The following PTPRT variants were observed in gnomAD, a reference collection of about 807,000 sequenced individuals.
PTPRT encodes protein tyrosine phosphatase receptor type T.
PTPRT carries 56 observed loss-of-function variants against 176.8 expected under a neutral mutation model. The ratio of observed to expected loss-of-function variants is 0.32; its 90% CI spans 0.26 to 0.40. The LOEUF is 0.40. Ranked by LOEUF, PTPRT falls within the 10% of genes least tolerant of loss-of-function variation. The pLI, the probability that PTPRT is intolerant of heterozygous loss-of-function variation, is 1.00. For missense variants in PTPRT, 1,540 were observed against 1,908.2 expected (o/e 0.81, Z 3.60); for synonymous variants, 783 against 739.0 (o/e 1.06, Z -0.96).
chr20:42,529,686 C>T (rs1362245051), intron 7 of PTPRT, among the ~76,000 whole-genome samples: 1 of 151,712 alleles, frequency 6.6e-6, no homozygotes, highest in Non-Finnish European at 1.5e-5. Flanking sequence ...TGAGGTTTTT[C>T]CAGTTGGCCA....
chr20:42,598,819 C>T (rs1056305834), intron 7 of PTPRT, among the ~76,000 whole-genome samples: 1 of 152,138 alleles, frequency 6.6e-6, no homozygotes, highest in Non-Finnish European at 1.5e-5. Context: ...ATTGTGGCTG[C>T]CTCGCCCATC....
intron 7 of PTPRT, among the ~76,000 whole-genome samples, chr20:42,653,298 C>A (rs2075066094): frequency 6.6e-6 from 1 of 152,152 alleles, no homozygotes; most frequent in South Asian, 2.1e-4. Flanking sequence ...CCTCCTAAGT[C>A]CTGCAAAACT....
At chr20:42,430,420 G>A (rs1465174686) in intron 9 of PTPRT, among the ~76,000 whole-genome samples, 1 of 152,168 alleles carries the variant, frequency 6.6e-6, no homozygotes, top group Non-Finnish European at 1.5e-5. Context: ...GAAGACCTGG[G>A]GTGGGGACAG....
In PTPRT at chr20:42,650,595, G is replaced by A. The variant is rs1286947688; in HGVS notation, c.1153+27271C>T. ...AGTTACAGGCAGACACAGTCACAGA[G>A]GCCAGGGTTGTTGAAAGACTCAGCA... On this transcript the variant is annotated intron_variant, in intron 7 of 30. Coordinates refer to ENST00000373187, the MANE Select transcript of PTPRT (RefSeq NM_007050.6). Among the ~76,000 whole-genome samples, 5 of 152,096 alleles carry A rather than the reference G, an allele frequency of 3.3e-5. No individual in the cohort carries two copies. In the East Asian group the frequency reaches 9.6e-4, roughly 29 times the overall value.
At chr20:43,107,067 G>C (rs558300258) in intron 1 of PTPRT, among the ~76,000 whole-genome samples, 60 of 152,122 alleles carry the variant, frequency 3.9e-4, no homozygotes, top group Non-Finnish European at 7.9e-4. Flanking sequence ...TGGGATTACA[G>C]GTGTGAGCCA....
In PTPRT at chr20:42,345,366, T is replaced by C. The variant is rs560896223; in HGVS notation, c.1865+5262A>G. Among the ~76,000 whole-genome samples the C allele has an allele frequency of 4.3e-3, 572 of 134,106 alleles. 6 individuals are homozygous for C. Among genetic ancestry groups the C allele is most frequent in the African/African-American group, 0.011 (389 of 35,182 alleles). 88.0% of individuals were successfully genotyped at this position (134,106 alleles called of 152,430 possible). ...AATAAGAGGTAGCTGAAGGCATATA[T>C]ACACACACACACACACACACACACA... On this transcript the variant is annotated intron_variant, in intron 11 of 30. Transcript: ENST00000373187.
At chr20:42,138,326 C>G (rs973650058) in intron 18 of PTPRT, among the ~76,000 whole-genome samples, 1 of 152,196 alleles carries the variant, frequency 6.6e-6, no homozygotes, top group East Asian at 1.9e-4. Context: ...TCCTCCAGCA[C>G]CCCTTGGTGG....
Position 42,192,472 on chromosome 20 carries a change from A to T in PTPRT, c.2491+6768T>A, listed in dbSNP as rs1001241262. ...TCCCAAGGGAGTACCAAGCCTGAAC[A>T]TTCTCTGAACTGCCCACAAAGAAAC... On this transcript the variant is annotated intron_variant, in intron 16 of 30. Transcript: ENST00000373187. 5.4e-4 allele frequency among the ~76,000 whole-genome samples: 82 copies of T among 152,310 alleles called. 1 individual carries two copies. The highest frequency in any genetic ancestry group is 1.8e-3 in the African/African-American group (74 of 41,586).
intron 3 of PTPRT, among the ~76,000 whole-genome samples, chr20:42,787,793 C>T (rs1179854102): frequency 6.6e-6 from 1 of 152,158 alleles, no homozygotes; most frequent in Admixed American, 6.5e-5. Context: ...GCCGAATGGC[C>T]TGATACTACT....
chr20:42,976,868 C>A (rs1982986021), intron 1 of PTPRT, among the ~76,000 whole-genome samples: 3 of 152,208 alleles, frequency 2.0e-5, no homozygotes, highest in Admixed American at 6.5e-5. Flanking sequence ...CATTTAGTTA[C>A]ATCTTTGCCA....
At position 43,029,064 on chromosome 20, in the gene PTPRT, C is replaced by T. The variant is rs143969210; in HGVS notation, c.89-143132G>A. Among the ~76,000 whole-genome samples the T allele has an allele frequency of 2.8e-4, 42 of 152,310 alleles. No individual in the cohort carries two copies. In the East Asian group the frequency reaches 7.9e-3, roughly 29 times the overall value. ...CCATCTACCTCCTCTCAGCTGCCTG[C>T]CCAGAGGTACAAGCTTTGAATTTCC... On this transcript the variant is annotated intron_variant, in intron 1 of 30. Transcript: ENST00000373187.
At chr20:42,497,557 A>T (rs1266124990) in intron 7 of PTPRT, among the ~76,000 whole-genome samples, 2 of 152,058 alleles carry the variant, frequency 1.3e-5, no homozygotes, top group Non-Finnish European at 2.9e-5. Context: ...AGCTGAGATT[A>T]TAGGCACCCA....
At chr20:42,518,891 TTTTA>T (rs1433884383) in intron 7 of PTPRT, among the ~76,000 whole-genome samples, 2 of 152,146 alleles carry the variant, frequency 1.3e-5, no homozygotes, top group Non-Finnish European at 2.9e-5. Flanking sequence ...ATGTACAGTA[TTTTA>T]TTTATTTTCC....
chr20:42,397,341 G>A (rs545378811), intron 9 of PTPRT, among the ~76,000 whole-genome samples: 83 of 152,320 alleles, frequency 5.4e-4, no homozygotes, highest in African/African-American at 1.9e-3. Flanking sequence ...ACATGTGCCA[G>A]TTTGTTACAA....
intron 13 of PTPRT, among the ~76,000 whole-genome samples, chr20:42,265,948 T>G (rs965328125): frequency 1.3e-5 from 2 of 152,312 alleles, no homozygotes; most frequent in Admixed American, 6.5e-5. Context: ...CCTGTCACTG[T>G]GCCAAGGCCG....
chr20:42,251,586 G>C (rs1461404047), intron 13 of PTPRT, among the ~76,000 whole-genome samples: 1 of 151,980 alleles, frequency 6.6e-6, no homozygotes. Flanking sequence ...GCTTCTTGGA[G>C]CAATTCACCC....
At chr20:42,337,626 G>A (rs2058058913) in intron 11 of PTPRT, among the ~76,000 whole-genome samples, 1 of 152,104 alleles carries the variant, frequency 6.6e-6, no homozygotes, top group Admixed American at 6.5e-5. Flanking sequence ...AGCATCTCCT[G>A]GAGGACATGT....
chr20:42,431,381 A>T (rs1421607775), intron 9 of PTPRT, among the ~76,000 whole-genome samples: 2 of 152,184 alleles, frequency 1.3e-5, no homozygotes, highest in Non-Finnish European at 2.9e-5. Flanking sequence ...AAATAAAGGG[A>T]TGGATAAGAA....
intron 7 of PTPRT, among the ~76,000 whole-genome samples, chr20:42,672,581 C>A (rs763340905): frequency 2.6e-5 from 4 of 152,156 alleles, no homozygotes; most frequent in African/African-American, 9.7e-5. Context: ...TACTCCCAAC[C>A]CCACATCCCT....
Sources: gnomAD v4.1 joint callset for allele counts (sites outside exome capture counted in the v4.1 genomes callset) on GRCh38, gnomAD v4.1.1 for gene constraint, MANE v1.5 for transcripts, NCBI Gene and HGNC (gene_info 2026-07-23, HGNC 2026-07-21) for gene names.